The following ABI2 variants were observed in gnomAD, a reference collection of about 807,000 sequenced individuals.
ABI2 encodes the protein abl interactor 2, also known as abelson interactor 2.
A neutral mutation model predicts 59.2 loss-of-function variants in ABI2; 25 were observed. The observed-to-expected ratio is 0.42, with a 90% CI of 0.31 to 0.59. The LOEUF (loss-of-function observed/expected upper bound fraction) is 0.59, where lower values mean the gene tolerates loss of function less well. Ranked by LOEUF, ABI2 falls within the 20% of genes least tolerant of loss-of-function variation. The probability of loss-of-function intolerance (pLI) is 0.14; values close to 1 mark genes in which losing one functional copy is unlikely to be tolerated. For missense variants in ABI2, 545 were observed against 681.8 expected, an observed-to-expected ratio of 0.80 and a Z score of 2.23; for synonymous variants, 213 against 235.5, an observed-to-expected ratio of 0.90 and a Z score of 0.87.
chr2:203,356,750 C>T (rs776707397), intron 1 of ABI2, among the ~76,000 whole-genome samples: 1 of 152,184 alleles, frequency 6.6e-6, no homozygotes, highest in African/African-American at 2.4e-5. Context: ...ATCTTCCTGC[C>T]TCGACCTCCC....
In ABI2 at chr2:203,380,206, A is replaced by G. The variant is rs754983755; in HGVS notation, c.286-2A>G. The stretch of plus-strand genomic sequence containing the variant: ...TGTTGTTTTTTACATTATATTTTGC[A>G]GACAGTTGATATTCATAAAGAGAAA... On this transcript the variant is annotated splice_acceptor_variant, in intron 2 of 11. Coordinates refer to ENST00000261018, the MANE Select transcript of ABI2 (RefSeq NM_001375670.1). LOFTEE classifies it high-confidence loss of function. The G allele has an allele frequency of 6.4e-7, 1 of 1,555,560 alleles. No homozygotes were observed.
intron 3 of ABI2, 71 bp downstream of exon 3, chr2:203,380,455 C>A: frequency 2.0e-6 from 2 of 1,019,962 alleles, no homozygotes; most frequent in Non-Finnish European, 1.4e-6. Context: ...GAAAATTAAG[C>A]TTTTTATCTG....
At chr2:203,344,062 T>C (rs149596923) in intron 1 of ABI2, among the ~76,000 whole-genome samples, 63 of 152,262 alleles carry the variant, frequency 4.1e-4, no homozygotes, top group African/African-American at 1.4e-3. Flanking sequence ...GAGCTCAGGG[T>C]TGGAGGCTGC....
At chr2:203,373,739 A>G (rs1328755220) in intron 2 of ABI2, among the ~76,000 whole-genome samples, 1 of 152,230 alleles carries the variant, frequency 6.6e-6, no homozygotes, top group Non-Finnish European at 1.5e-5. Flanking sequence ...GTTAGCAGGT[A>G]ACAATTAAAG....
intron 8 of ABI2, among the ~76,000 whole-genome samples, chr2:203,397,758 G>C (rs1484008522): frequency 6.6e-6 from 1 of 152,142 alleles, no homozygotes; most frequent in Admixed American, 6.5e-5. Flanking sequence ...TTCTGGGGAG[G>C]CCTCAGGAAA....
rs199823599 is a variant in ABI2, at chr2:203,405,715, TG to T, written c.1192+2988del. ...GTGTGTGTTTTATGAGCTTTTTTTT[TG>T]GGGGGGTAATTGGAGTCTTGCTGTG... On this transcript the variant is annotated intron_variant, in intron 9 of 11. Transcript: ENST00000261018. 7.2e-5 allele frequency among the ~76,000 whole-genome samples: 11 copies of T among 152,024 alleles called. No individual in the cohort carries two copies. In the South Asian group the frequency reaches 8.3e-4, roughly 11 times the overall value.
At chr2:203,393,971 G>A (rs1447676858) in intron 5 of ABI2, among the ~76,000 whole-genome samples, 1 of 151,868 alleles carries the variant, frequency 6.6e-6, no homozygotes, top group Non-Finnish European at 1.5e-5. Context: ...CGGGAAATAT[G>A]TGTTAATAAA....
chr2:203,358,183 G>T (rs2092698410), intron 1 of ABI2, among the ~76,000 whole-genome samples: 1 of 151,030 alleles, frequency 6.6e-6, no homozygotes, highest in African/African-American at 2.4e-5. Flanking sequence ...GTGGTAGTTA[G>T]TCATAGCTCG....
intron 11 of ABI2, among the ~76,000 whole-genome samples, chr2:203,426,159 T>G (rs1020312537): frequency 2.6e-5 from 4 of 152,218 alleles, no homozygotes; most frequent in African/African-American, 7.2e-5. Context: ...CAGAAGTCCC[T>G]GTTGTAGTTT....
At chr2:203,422,070 C>T (rs759965427) in intron 11 of ABI2, among the ~76,000 whole-genome samples, 11 of 151,764 alleles carry the variant, frequency 7.2e-5, no homozygotes, top group Non-Finnish European at 1.5e-4. Flanking sequence ...CTGAGGCCGG[C>T]GGATTGCTTG....
At chr2:203,365,345 T>C (rs993162190) in intron 1 of ABI2, among the ~76,000 whole-genome samples, 1 of 152,178 alleles carries the variant, frequency 6.6e-6, no homozygotes, top group Non-Finnish European at 1.5e-5. Context: ...ACTGCATTAA[T>C]GTACTATATG....
intron 2 of ABI2, among the ~76,000 whole-genome samples, chr2:203,370,744 GAA>G (rs1019039081): frequency 3.9e-5 from 6 of 152,256 alleles, no homozygotes; most frequent in African/African-American, 1.4e-4. Context: ...AGTTTGTAGA[GAA>G]GATTGAGTTG....
intron 11 of ABI2, among the ~76,000 whole-genome samples, chr2:203,424,186 G>T (rs2098339295): frequency 6.6e-6 from 1 of 152,132 alleles, no homozygotes; most frequent in African/African-American, 2.4e-5. Flanking sequence ...CTCAACATCG[G>T]TATTTTGAAT....
At chr2:203,343,184 T>G (rs1448455030) in intron 1 of ABI2, among the ~76,000 whole-genome samples, 1 of 152,064 alleles carries the variant, frequency 6.6e-6, no homozygotes, top group Non-Finnish European at 1.5e-5. Flanking sequence ...GCCAACATGG[T>G]GAAACCTTGT....
chr2:203,396,573 T>C (rs370112507), intron 7 of ABI2, among the ~76,000 whole-genome samples: 3 of 152,228 alleles, frequency 2.0e-5, no homozygotes, highest in Non-Finnish European at 2.9e-5. Flanking sequence ...TTTTAATGAA[T>C]TGAAAAAATC....
At chr2:203,406,300 A>G (rs1007653853) in intron 9 of ABI2, among the ~76,000 whole-genome samples, 3 of 152,232 alleles carry the variant, frequency 2.0e-5, no homozygotes, top group African/African-American at 7.2e-5. Context: ...TGAAGACTTT[A>G]GGAGAAAGTA....
intron 4 of ABI2, 47 bp downstream of exon 4, chr2:203,382,253 A>G: frequency 2.7e-6 from 4 of 1,454,990 alleles, no homozygotes; most frequent in Non-Finnish European, 3.7e-6. Context: ...CTTATGTAGA[A>G]TATTACATAT....
chr2:203,392,678 C>T (rs937677482), intron 5 of ABI2, among the ~76,000 whole-genome samples: 1 of 152,108 alleles, frequency 6.6e-6, no homozygotes, highest in Non-Finnish European at 1.5e-5. Flanking sequence ...TAAACATTTA[C>T]ATTTATATCA....
chr2:203,402,582 C>T lies in ABI2; in HGVS notation c.1040C>T (p.Pro347Leu). The T allele has an allele frequency of 6.5e-7, 1 of 1,542,202 alleles. No homozygotes were observed. The highest frequency in any genetic ancestry group is 8.7e-7 in the Non-Finnish European group (1 of 1,151,780). The change falls in exon 9 of 12, where the codon CCT becomes CTT. Residue 347 changes from proline to leucine, a missense_variant. Pro to Leu is a moderately conservative substitution (Grantham distance 98, BLOSUM62 -3). Transcript: ENST00000261018. The stretch of plus-strand genomic sequence containing the variant: ...TGTTCTATCTCTTTTTCAGGTCATC[C>T]TGTACAGTTCTACAGCATGAATAGG... ...VVSSTPPTGH[P>L]VQFYSMNRPA...
Sources: allele counts gnomAD v4.1 joint callset (sites outside exome capture counted in the v4.1 genomes callset), GRCh38; gene constraint gnomAD v4.1.1; transcripts MANE v1.5; gene names NCBI Gene and HGNC (gene_info 2026-07-23, HGNC 2026-07-21).